The following SRRM1 variants were observed in gnomAD, a reference collection of about 807,000 sequenced individuals.
SRRM1 encodes serine and arginine repetitive matrix 1.
A neutral mutation model predicts 110.2 loss-of-function variants in SRRM1; 19 were observed. That is an observed-to-expected ratio of 0.17 (90% CI 0.12 to 0.25). The LOEUF is 0.25. Among genes scored for constraint, SRRM1 ranks in the 10% least tolerant of loss-of-function variants. The pLI, the probability that SRRM1 is intolerant of heterozygous loss-of-function variation, is 1.00. For missense variants in SRRM1, 918 were observed against 1,145.8 expected (o/e 0.80, Z 2.87); for synonymous variants, 443 against 414.9 (o/e 1.07, Z -0.82).
intron 9 of SRRM1, among the ~76,000 whole-genome samples, chr1:24,656,489 C>T (rs1362005866): frequency 2.6e-5 from 4 of 152,168 alleles, no homozygotes; most frequent in Non-Finnish European, 4.4e-5. Context: ...GAGAGAGGGG[C>T]TTCGGGATCA....
intron 1 of SRRM1, 85 bp from the exon 2 acceptor site, chr1:24,645,899 C>G (rs1359147993): frequency 2.9e-6 from 3 of 1,027,614 alleles, no homozygotes; most frequent in Non-Finnish European, 4.4e-6. Context: ...CTTGGTTACC[C>G]TATTTTGGCT....
In SRRM1 at chr1:24,652,475, C is replaced by T. The variant is rs1221315040; in HGVS notation, c.767C>T (p.Pro256Leu). 4 of 1,609,852 alleles carry T rather than the reference C, an allele frequency of 2.5e-6. No individual in the cohort carries two copies. The East Asian group carries it at 6.7e-5, about 27-fold the overall frequency. Residue 256 changes from proline to leucine, a missense_variant, in exon 7 of 17, where the codon CCT becomes CTT. This residue lies in a region of SRRM1 where 456 missense variants were observed against 453.5 expected (regional missense o/e 1.01). Transcript: ENST00000323848. ...CCCAAACCTGAACCTATACCAGAGC[C>T]TAAAGAACCTTCTCCGGAAAAAAAT... ...KVPKPEPIPE[P>L]KEPSPEKNSK... is the part of the protein sequence containing the mutation.
chr1:24,671,498 C>T lies in SRRM1; in HGVS notation c.2513C>T (p.Ala838Val), dbSNP rs779763454. 17 of 1,611,494 alleles carry T rather than the reference C, an allele frequency of 1.1e-5. No individual in the cohort carries two copies. Among genetic ancestry groups the T allele is most frequent in the African/African-American group, 1.3e-5 (1 of 74,730 alleles). ...HKKHKKEKAV[A>V]AAAAAAVTPA... ...AAACACAAGAAGGAAAAGGCTGTGG[C>T]TGCAGCTGCTGCAGCTGCTGTGACC... The change falls in exon 16 of 17, where the codon GCT becomes GTT. Residue 838 changes from alanine to valine, a missense_variant. By Grantham distance (64) the Ala-to-Val change is moderately conservative. Transcript: ENST00000323848.
At chr1:24,645,103 T>C (rs1656627764) in intron 1 of SRRM1, among the ~76,000 whole-genome samples, 2 of 152,204 alleles carry the variant, frequency 1.3e-5, no homozygotes. Flanking sequence ...TGCCAGATAC[T>C]TTACATATGT....
In SRRM1 at chr1:24,666,934, T is replaced by C; in HGVS notation, c.1739+9T>C. 1.3e-6 allele frequency: 2 copies of C among 1,590,634 alleles called. No individual in the cohort carries two copies. Among genetic ancestry groups the C allele is most frequent in the Non-Finnish European group, 1.7e-6 (2 of 1,169,192 alleles). On this transcript the variant is annotated intron_variant, in intron 13 of 16. Coordinates refer to ENST00000323848, the MANE Select transcript of SRRM1 (RefSeq NM_005839.4). ...CCACCACCACGACGAAGGTACTTTG[T>C]CAAATATGCTAACTGGAGCATCTCC... is the stretch of plus-strand genomic sequence containing the variant.
rs370552860 is a variant in SRRM1, at chr1:24,655,148, T to C, written c.1315+19T>C. ...GGTAAAGGTAAAAATCAAACACATATGAAACATGGTCTCTCTTTCTTTGGC... is the reference window on the plus strand; with the variant it reads ...GGTAAAGGTAAAAATCAAACACATACGAAACATGGTCTCTCTTTCTTTGGC... On this transcript the variant is annotated intron_variant, in intron 9 of 16. Coordinates refer to ENST00000323848, the MANE Select transcript of SRRM1 (RefSeq NM_005839.4). 6.2e-6 allele frequency: 10 copies of C among 1,610,892 alleles called. No individual in the cohort carries two copies. Among genetic ancestry groups the C allele is most frequent in the African/African-American group, 1.3e-5 (1 of 74,876 alleles).
In SRRM1 at chr1:24,655,022, C is replaced by G; in HGVS notation, c.1208C>G (p.Pro403Arg). The change falls in exon 9 of 17, where the codon CCT becomes CGT. Residue 403 changes from proline to arginine, a missense_variant. Pro to Arg is a moderately radical substitution (Grantham distance 103). Around this residue, in one of 5 missense-constraint regions of SRRM1, gnomAD observed 456 missense variants for 453.5 expected, o/e 1.01. Transcript: ENST00000323848. Reference sequence around the variant, plus strand: ...CCAAGGCGAAGGCACAGGCCATCACCTCCTGCAACTCCACCACCCAAAACT... The same window carrying G: ...CCAAGGCGAAGGCACAGGCCATCACGTCCTGCAACTCCACCACCCAAAACT... ...SPPRRRHRPS[P>R]PATPPPKTRH... 1 of 1,614,210 alleles carries G rather than the reference C, an allele frequency of 6.2e-7. No homozygotes were observed. Among genetic ancestry groups the G allele is most frequent in the Non-Finnish European group, 8.5e-7 (1 of 1,180,038 alleles).
rs761054601 is a variant in SRRM1 at position 24,666,795 on chromosome 1, T to C, written c.1629-20T>C. 3.5e-5 allele frequency: 56 copies of C among 1,599,382 alleles called. 1 individual carries two copies. The East Asian group carries it at 1.1e-3, about 32-fold the overall frequency. On this transcript the variant is annotated intron_variant, in intron 12 of 16. Coordinates refer to ENST00000323848, the MANE Select transcript of SRRM1 (RefSeq NM_005839.4). ...CACAAAAAAAAGAAAAAAAATTAAC[T>C]ATAATTCTTCTTGGTTTAGTGGTAG...
Position 24,655,032 on chromosome 1 carries a change from T to C in SRRM1, c.1218T>C (p.Thr406=), listed in dbSNP as rs1663203172. 7 of 1,614,114 alleles carry C rather than the reference T, an allele frequency of 4.3e-6. No homozygotes were observed. Among genetic ancestry groups the C allele is most frequent in the South Asian group, 1.1e-5 (1 of 91,086 alleles). ...RRRHRPSPPA[T]PPPKTRHSPT... ...GGCACAGGCCATCACCTCCTGCAAC[T>C]CCACCACCCAAAACTCGGCATTCCC... Residue 406 remains threonine, a synonymous_variant, in exon 9 of 17, where the codon ACT becomes ACC. Coordinates refer to ENST00000323848, the MANE Select transcript of SRRM1 (RefSeq NM_005839.4).
intron 15 of SRRM1, among the ~76,000 whole-genome samples, chr1:24,670,874 CT>C (rs1408526567): frequency 6.6e-6 from 1 of 151,984 alleles, no homozygotes; most frequent in African/African-American, 2.4e-5. Flanking sequence ...TAGGAGCCTG[CT>C]TTTTGCATAA....
At chr1:24,654,370 C>G (rs1051985286) in intron 8 of SRRM1, 6 of 1,288,666 alleles carry the variant, frequency 4.7e-6, no homozygotes, top group Non-Finnish European at 6.1e-6. Flanking sequence ...CAGAACTTAA[C>G]ACAAATTTTG....
intron 9 of SRRM1, among the ~76,000 whole-genome samples, chr1:24,658,730 C>T (rs1241656667): frequency 6.6e-6 from 1 of 151,956 alleles, no homozygotes; most frequent in Non-Finnish European, 1.5e-5. Flanking sequence ...AGAAAAAGAG[C>T]CTCAAATAGT....
intron 3 of SRRM1, 32 bp from the exon 4 acceptor site, chr1:24,648,827 C>G: frequency 6.3e-7 from 1 of 1,599,944 alleles, no homozygotes; most frequent in Non-Finnish European, 8.5e-7. Context: ...TTTGAAGTAA[C>G]CTGTTTTTCT....
intron 5 of SRRM1, 138 bp downstream of exon 5, chr1:24,650,224 G>T: frequency 1.4e-6 from 1 of 721,818 alleles, no homozygotes. Context: ...CCTGTGCCTT[G>T]CCTCTGGACT....
chr1:24,644,659 T>C (rs1322455944), intron 1 of SRRM1, among the ~76,000 whole-genome samples: 1 of 152,254 alleles, frequency 6.6e-6, no homozygotes, highest in Non-Finnish European at 1.5e-5. Context: ...AAGATACTTA[T>C]TTTGGAATGA....
rs1299251892 is a variant in SRRM1 at position 24,669,439 on chromosome 1, C to T, written c.2056C>T (p.Pro686Ser). The T allele has an allele frequency of 6.2e-7, 1 of 1,614,188 alleles. No homozygotes were observed. Among genetic ancestry groups the T allele is most frequent in the Admixed American group, 1.7e-5 (1 of 60,018 alleles). ...ACCAAACAAACGGCATTCGCCCTCA[C>T]CACGGCCTCGAGCTCCTCAGACCTC... is the stretch of plus-strand genomic sequence containing the variant. ...PQPNKRHSPSPRPRAPQTSSS... is the reference protein window; with the variant it reads ...PQPNKRHSPSSRPRAPQTSSS... Residue 686 changes from proline (P) to serine (S), a missense_variant, in exon 14 of 17, where the codon CCA becomes TCA. By Grantham distance (74) the Pro-to-Ser change is moderately conservative. Around this residue, in one of 5 missense-constraint regions of SRRM1, gnomAD observed 357 missense variants for 402.9 expected, o/e 0.89. Transcript: ENST00000323848.
At chr1:24,655,274 T>A in intron 9 of SRRM1, 145 bp downstream of exon 9, 1 of 1,006,808 alleles carries the variant, frequency 9.9e-7, no homozygotes, top group East Asian at 2.6e-5. Flanking sequence ...CTTATAAGCC[T>A]ACCTCTTTCC....
chr1:24,649,084 G>A (rs1570701142), intron 4 of SRRM1, 55 bp downstream of exon 4: 6 of 1,519,446 alleles, frequency 3.9e-6, no homozygotes, highest in Non-Finnish European at 5.4e-6. Flanking sequence ...CCAGGCTGCC[G>A]AGACACCTTA....
In SRRM1 at chr1:24,652,457, C is replaced by G; in HGVS notation, c.749C>G (p.Pro250Arg). The G allele has an allele frequency of 6.3e-7, 1 of 1,585,964 alleles. No individual in the cohort carries two copies. The highest frequency in any genetic ancestry group is 8.6e-7 in the Non-Finnish European group (1 of 1,168,982). The change falls in exon 7 of 17, where the codon CCT (proline) becomes CGT (arginine). Residue 250 changes from proline (P) to arginine (R), a missense_variant. Around this residue, in one of 5 missense-constraint regions of SRRM1, gnomAD observed 456 missense variants for 453.5 expected, o/e 1.01. Coordinates refer to ENST00000323848, the MANE Select transcript of SRRM1 (RefSeq NM_005839.4). ...STSDILKVPK[P>R]EPIPEPKEPS... The stretch of plus-strand genomic sequence containing the variant: ...AGTGACATTCTGAAAGTTCCCAAAC[C>G]TGAACCTATACCAGAGCCTAAAGAA...
Sources: allele counts gnomAD v4.1 joint callset (sites outside exome capture counted in the v4.1 genomes callset), GRCh38; gene constraint gnomAD v4.1.1; regional missense constraint gnomAD v4.1.1; transcripts MANE v1.5; gene names NCBI Gene and HGNC (gene_info 2026-07-23, HGNC 2026-07-21).